SLC25A21: variants seen among roughly 807,000 people sequenced by gnomAD.
SLC25A21 encodes mitochondrial 2-oxodicarboxylate carrier.
A neutral mutation model predicts 43.8 loss-of-function variants in SLC25A21; 47 were observed. The observed-to-expected ratio is 1.07, with a 90% CI of 0.85 to 1.37. The LOEUF is 1.37. SLC25A21 is among the 40% of genes most tolerant of loss of function. SLC25A21 has a pLI of 0.00. For synonymous variants in SLC25A21, 131 were observed against 121.3 expected (o/e 1.08, Z -0.52); for missense variants, 352 against 350.2 (o/e 1.00, Z -0.04).
intron 2 of SLC25A21, among the ~76,000 whole-genome samples, chr14:36,821,701 C>T (rs1888641009): frequency 6.6e-6 from 1 of 152,060 alleles, no homozygotes; most frequent in Non-Finnish European, 1.5e-5. Context: ...CCTGTTATCC[C>T]AGCTACTCAG....
In SLC25A21 at chr14:37,018,366, T is replaced by C. The variant is rs528170034; in HGVS notation, c.71-143362A>G. ...CTGCTCATTCAATAAACCAGTGACATGAGGTGACAGATCTGTTAATTATCT... is the reference window on the plus strand; with the variant it reads ...CTGCTCATTCAATAAACCAGTGACACGAGGTGACAGATCTGTTAATTATCT... On this transcript the variant is annotated intron_variant, in intron 1 of 9. Transcript: ENST00000331299. Among the ~76,000 whole-genome samples, 5 of 152,154 alleles carry C rather than the reference T, an allele frequency of 3.3e-5. No individual in the cohort carries two copies. The South Asian group carries it at 1.0e-3, about 32-fold the overall frequency.
intron 1 of SLC25A21, among the ~76,000 whole-genome samples, chr14:37,050,077 G>A (rs1369076260): frequency 6.6e-6 from 1 of 152,196 alleles, no homozygotes; most frequent in Non-Finnish European, 1.5e-5. Flanking sequence ...ACATGGACTG[G>A]CTGTCATATG....
intron 1 of SLC25A21, among the ~76,000 whole-genome samples, chr14:37,033,541 T>C (rs1961263929): frequency 6.6e-6 from 1 of 152,202 alleles, no homozygotes; most frequent in African/African-American, 2.4e-5. Context: ...TTGATATCCA[T>C]CCTCCAGGGC....
chr14:37,066,372 C>G (rs912152080), intron 1 of SLC25A21, among the ~76,000 whole-genome samples: 1 of 151,870 alleles, frequency 6.6e-6, no homozygotes, highest in African/African-American at 2.4e-5. Flanking sequence ...GACATGACAA[C>G]TAAATGCAAT....
rs1381409412 is a variant in SLC25A21, at chr14:36,680,230, AC to A, written c.*427del. ...TAAAAACTGCTTAAATTTTGGCTTA[AC>A]TTTTTTTTAATCCAGTCTTTGAATA... On this transcript the variant is annotated 3_prime_UTR_variant, in exon 10 of 10. Transcript: ENST00000331299. 1 of 924,850 alleles carries A rather than the reference AC, an allele frequency of 1.1e-6. No individual in the cohort carries two copies. The highest frequency in any genetic ancestry group is 1.3e-6 in the Non-Finnish European group (1 of 775,310). 57.3% of individuals were successfully genotyped at this position (924,850 alleles called of 1,614,324 possible).
chr14:36,734,621 A>G (rs767324013), intron 3 of SLC25A21, 48 bp from the exon 4 acceptor site: 9 of 1,420,152 alleles, frequency 6.3e-6, no homozygotes, highest in Non-Finnish European at 8.8e-6. Context: ...ATTAGGCAAC[A>G]AGTATTTCTG....
At chr14:36,929,054 C>T (rs1892213305) in intron 1 of SLC25A21, among the ~76,000 whole-genome samples, 1 of 152,106 alleles carries the variant, frequency 6.6e-6, no homozygotes, top group Non-Finnish European at 1.5e-5. Context: ...GATATAAGGA[C>T]TAGCTACATT....
At chr14:37,040,419 G>GA (rs1262503217) in intron 1 of SLC25A21, among the ~76,000 whole-genome samples, 6 of 100,592 alleles carry the variant, frequency 6.0e-5, no homozygotes, top group Non-Finnish European at 1.1e-4. Context: ...AAGAAAGAAA[G>GA]AAAGAAAGAA....
chr14:36,770,686 C>A (rs1886588396), intron 3 of SLC25A21, among the ~76,000 whole-genome samples: 1 of 151,958 alleles, frequency 6.6e-6, no homozygotes, highest in Non-Finnish European at 1.5e-5. Context: ...GCATATAATC[C>A]CCTATTACAA....
chr14:37,153,407 A>G (rs1003979392), intron 1 of SLC25A21, among the ~76,000 whole-genome samples: 1 of 152,242 alleles, frequency 6.6e-6, no homozygotes, highest in Non-Finnish European at 1.5e-5. Flanking sequence ...CATGAGCTGC[A>G]GCAGCCAGTG....
intron 1 of SLC25A21, among the ~76,000 whole-genome samples, chr14:36,919,764 A>G (rs1302204338): frequency 6.6e-6 from 1 of 151,986 alleles, no homozygotes; most frequent in Non-Finnish European, 1.5e-5. Context: ...TTTTGATTGA[A>G]TCAAAGTTAT....
chr14:36,791,403 G>A (rs1223135287), intron 3 of SLC25A21, among the ~76,000 whole-genome samples: 1 of 152,094 alleles, frequency 6.6e-6, no homozygotes, highest in African/African-American at 2.4e-5. Flanking sequence ...GCAAACCTCA[G>A]TGAAAACTTC....
At chr14:37,143,870 C>G (rs1239908539) in intron 1 of SLC25A21, among the ~76,000 whole-genome samples, 1 of 152,118 alleles carries the variant, frequency 6.6e-6, no homozygotes, top group Admixed American at 6.5e-5. Flanking sequence ...CTATCAAAAG[C>G]AGTTAAATTG....
At chr14:36,811,901 A>G (rs1324084826) in intron 3 of SLC25A21, among the ~76,000 whole-genome samples, 5 of 152,334 alleles carry the variant, frequency 3.3e-5, no homozygotes, top group African/African-American at 1.2e-4. Flanking sequence ...ACATCATTAG[A>G]TATCAGGATG....
At chr14:36,954,990 G>A (rs79636744) in intron 1 of SLC25A21, among the ~76,000 whole-genome samples, 2,526 of 152,176 alleles carry the variant, frequency 0.017, 79 homozygotes, top group African/African-American at 0.058. Flanking sequence ...ACTTTCTAAG[G>A]ACATGAGCCA....
chr14:37,009,549 G>A (rs1028590431), intron 1 of SLC25A21, among the ~76,000 whole-genome samples: 2 of 152,086 alleles, frequency 1.3e-5, no homozygotes, highest in Non-Finnish European at 2.9e-5. Context: ...GAAAGACCAG[G>A]GGAAGAGAAG....
intron 2 of SLC25A21, among the ~76,000 whole-genome samples, chr14:36,835,341 C>T (rs1203407759): frequency 1.3e-5 from 2 of 152,188 alleles, no homozygotes; most frequent in Non-Finnish European, 2.9e-5. Flanking sequence ...TCTCTGCCCA[C>T]ATTTCAATAT....
chr14:36,842,543 T>C (rs974490867), intron 2 of SLC25A21, among the ~76,000 whole-genome samples: 1 of 152,180 alleles, frequency 6.6e-6, no homozygotes, highest in Non-Finnish European at 1.5e-5. Flanking sequence ...TCTCAAATGA[T>C]ACTACAGAAC....
intron 1 of SLC25A21, among the ~76,000 whole-genome samples, chr14:36,992,832 T>G (rs750425080): frequency 4.6e-5 from 7 of 152,170 alleles, no homozygotes; most frequent in Non-Finnish European, 1.0e-4. Context: ...CTGCAATCAT[T>G]TCTTTTTGTT....
Sources: allele counts gnomAD v4.1 joint callset (sites outside exome capture counted in the v4.1 genomes callset), GRCh38; gene constraint gnomAD v4.1.1; transcripts MANE v1.5; gene names NCBI Gene and HGNC (gene_info 2026-07-23, HGNC 2026-07-21).